Variants in BCAS3 observed in about 807,000 individuals in gnomAD.
The protein encoded by BCAS3 is BCAS4/BCAS3 fusion.
Under a neutral mutation model 116.1 loss-of-function variants are expected in BCAS3, and 53 were observed. The ratio of observed to expected loss-of-function variants is 0.46; its 90% CI spans 0.37 to 0.57. BCAS3 has a LOEUF of 0.57. Ranked by LOEUF, BCAS3 falls within the 20% of genes least tolerant of loss-of-function variation. The pLI is 0.00. For missense variants in BCAS3, 917 were observed against 1,165.4 expected (o/e 0.79, Z 3.10); for synonymous variants, 391 against 408.2 (o/e 0.96, Z 0.51).
intron 7 of BCAS3, among the ~76,000 whole-genome samples, chr17:60,809,445 A>C (rs988588463): frequency 1.3e-5 from 2 of 152,234 alleles, no homozygotes; most frequent in South Asian, 4.1e-4. Context: ...AATCTGTGGC[A>C]TTCATGCCTG....
chr17:61,108,711 C>T (rs1353317588), intron 22 of BCAS3, among the ~76,000 whole-genome samples: 1 of 151,562 alleles, frequency 6.6e-6, no homozygotes, highest in African/African-American at 2.4e-5. Context: ...CACCCATCAC[C>T]CGAGCAGTGT....
rs1275769690 is a variant in BCAS3 at position 61,203,388 on chromosome 17, C to T, written c.2425+118824C>T. On this transcript the variant is annotated intron_variant, in intron 22 of 23. Transcript: ENST00000407086. This position sits in a 1 kb window ranked among gnomAD's most constrained non-coding sequence, Gnocchi z 5.7. ...GGTCAGGCTGGTTTCAAACTCCTGA[C>T]CTTGTGATCTGCTCACCTCGGCCTC... Among the ~76,000 whole-genome samples the T allele has an allele frequency of 1.3e-5, 2 of 152,100 alleles. No homozygotes were observed. The highest frequency in any genetic ancestry group is 6.6e-5 in the Admixed American group (1 of 15,266).
intron 19 of BCAS3, among the ~76,000 whole-genome samples, chr17:61,074,145 TC>T (rs1209559867): frequency 1.4e-5 from 2 of 141,980 alleles, no homozygotes; most frequent in African/African-American, 5.2e-5. Flanking sequence ...TTAAATACAA[TC>T]ATGTATGAGG....
rs1193154512 is a variant in BCAS3, at chr17:61,063,568, C to T, written c.2030-11352C>T. 3.3e-5 allele frequency among the ~76,000 whole-genome samples: 5 copies of T among 152,090 alleles called. No homozygotes were observed. Among genetic ancestry groups the T allele is most frequent in the African/African-American group, 7.2e-5 (3 of 41,432 alleles). ...AGGCATGAGCCACCATGCCCGGCCT[C>T]CTGTTATAGTTCTTTGAAGAAATGC... On this transcript the variant is annotated intron_variant, in intron 19 of 23. Coordinates refer to ENST00000407086, the MANE Select transcript of BCAS3 (RefSeq NM_017679.5). The surrounding 1 kb of genome is among the most constrained non-coding windows in gnomAD (Gnocchi z 5.3).
At chr17:60,931,488 G>A in intron 13 of BCAS3, among the ~76,000 whole-genome samples, 1 of 152,030 alleles carries the variant, frequency 6.6e-6, no homozygotes, top group Non-Finnish European at 1.5e-5. Flanking sequence ...TGTTGCACGG[G>A]CTGGTCTCAA....
intron 14 of BCAS3, among the ~76,000 whole-genome samples, chr17:60,984,517 T>C (rs900904655): frequency 6.6e-6 from 1 of 152,108 alleles, no homozygotes; most frequent in African/African-American, 2.4e-5. Flanking sequence ...ATAGTAGTTA[T>C]GTATATTTAT....
chr17:61,181,099 G>A lies in BCAS3; in HGVS notation c.2425+96535G>A, dbSNP rs975176951. ...AAATTAGCCCAGAATGGTGGCACAC[G>A]CCTGTAGTCTCAGCTACTCAGGAGC... On this transcript the variant is annotated intron_variant, in intron 22 of 23. Transcript: ENST00000407086. This position sits in a 1 kb window ranked among gnomAD's most constrained non-coding sequence, Gnocchi z 5.0. 1.3e-5 allele frequency among the ~76,000 whole-genome samples: 2 copies of A among 152,054 alleles called. No homozygotes were observed. The highest frequency in any genetic ancestry group is 6.6e-5 in the Admixed American group (1 of 15,258).
chr17:60,909,399 T>G (rs2058367079), intron 11 of BCAS3, among the ~76,000 whole-genome samples: 1 of 152,166 alleles, frequency 6.6e-6, no homozygotes, highest in Non-Finnish European at 1.5e-5. Context: ...GTGCCAGAAT[T>G]AGGTAAGGAT....
intron 7 of BCAS3, among the ~76,000 whole-genome samples, chr17:60,857,013 G>T (rs577549886): frequency 6.6e-6 from 1 of 152,160 alleles, no homozygotes; most frequent in African/African-American, 2.4e-5. Flanking sequence ...TCCTTTATGG[G>T]TATGGGTCAA....
intron 6 of BCAS3, among the ~76,000 whole-genome samples, chr17:60,797,180 GC>G (rs2047287201): frequency 6.6e-6 from 1 of 152,056 alleles, no homozygotes; most frequent in Non-Finnish European, 1.5e-5. Context: ...ACAAGCATAA[GC>G]CACCGTGCTT....
At chr17:61,207,840 G>A (rs1382407175) in intron 22 of BCAS3, among the ~76,000 whole-genome samples, 2 of 152,036 alleles carry the variant, frequency 1.3e-5, no homozygotes, top group Non-Finnish European at 2.9e-5. Flanking sequence ...AGAGAAATAA[G>A]GTACATATAT....
intron 22 of BCAS3, among the ~76,000 whole-genome samples, chr17:61,290,055 T>G (rs916415273): frequency 6.6e-6 from 1 of 152,160 alleles, no homozygotes; most frequent in Non-Finnish European, 1.5e-5. Context: ...TGGGTTCGTG[T>G]GTGTAAAGGG....
At chr17:60,681,244 A>G (rs2033055167) in intron 2 of BCAS3, among the ~76,000 whole-genome samples, 1 of 151,998 alleles carries the variant, frequency 6.6e-6, no homozygotes, top group Non-Finnish European at 1.5e-5. Context: ...TCATGCCTGT[A>G]ATCCCAGCAT....
At chr17:60,713,301 A>G (rs1458224124) in intron 5 of BCAS3, among the ~76,000 whole-genome samples, 2 of 152,222 alleles carry the variant, frequency 1.3e-5, no homozygotes, top group African/African-American at 2.4e-5. Context: ...TCAAATACTC[A>G]TAGTTATCTT....
rs899233029 is a variant in BCAS3 at position 61,391,157 on chromosome 17, A to G, written c.2594-820A>G. 9 of 152,276 alleles carry G rather than the reference A, an allele frequency of 5.9e-5. No homozygotes were observed. The highest frequency in any genetic ancestry group is 2.2e-4 in the African/African-American group (9 of 41,466). 9.4% of individuals were successfully genotyped at this position (152,276 alleles called of 1,614,324 possible). A position where few individuals can be genotyped will look rare whatever the true frequency, so the allele number is the denominator to read the frequency against. Reference sequence around the variant, plus strand: ...GGACAATTGAGCGGCCCACAGCTGAATTAGATGGATCAAGCTGCCATATCT... The same window carrying G: ...GGACAATTGAGCGGCCCACAGCTGAGTTAGATGGATCAAGCTGCCATATCT... On this transcript the variant is annotated intron_variant, in intron 23 of 23. Transcript: ENST00000407086. This position sits in a 1 kb window ranked among gnomAD's most constrained non-coding sequence, Gnocchi z 7.7.
At chr17:61,184,021 G>A (rs372339031) in intron 22 of BCAS3, among the ~76,000 whole-genome samples, 3 of 152,162 alleles carry the variant, frequency 2.0e-5, no homozygotes, top group Non-Finnish European at 4.4e-5. Context: ...TGGAAAAGCC[G>A]GTTTTCAACA....
At chr17:61,074,188 T>G (rs2071726487) in intron 19 of BCAS3, among the ~76,000 whole-genome samples, 1 of 151,456 alleles carries the variant, frequency 6.6e-6, no homozygotes, top group Non-Finnish European at 1.5e-5. Context: ...ATCCGTATCT[T>G]TAGCTCAACT....
intron 7 of BCAS3, among the ~76,000 whole-genome samples, chr17:60,818,640 A>C (rs2049655897): frequency 6.6e-6 from 1 of 152,140 alleles, no homozygotes; most frequent in Non-Finnish European, 1.5e-5. Context: ...CCGTTTTCCC[A>C]GTCTTTGCTG....
At chr17:60,934,433 A>G (rs1434433279) in intron 13 of BCAS3, among the ~76,000 whole-genome samples, 2 of 152,258 alleles carry the variant, frequency 1.3e-5, no homozygotes, top group Admixed American at 1.3e-4. Context: ...TCTACAACAA[A>G]TATAACATAA....
Sources: allele counts gnomAD v4.1 joint callset (sites outside exome capture counted in the v4.1 genomes callset), GRCh38; gene constraint gnomAD v4.1.1; non-coding constraint Gnocchi (gnomAD v3.1); transcripts MANE v1.5; gene names NCBI Gene and HGNC (gene_info 2026-07-23, HGNC 2026-07-21).